ACOT11: variants seen among roughly 807,000 people sequenced by gnomAD.
ACOT11 encodes acyl-CoA thioesterase 11.
A neutral mutation model predicts 77.5 loss-of-function variants in ACOT11; 69 were observed. The ratio of observed to expected loss-of-function variants is 0.89; its 90% CI spans 0.73 to 1.09. The LOEUF (loss-of-function observed/expected upper bound fraction) is 1.09. Ranked by LOEUF, ACOT11 falls within the 50% of genes least tolerant of loss-of-function variation. The pLI is 0.00. For synonymous variants in ACOT11, 279 were observed against 313.0 expected (o/e 0.89, Z 1.15); for missense variants, 766 against 813.7 (o/e 0.94, Z 0.71).
At position 54,558,078 on chromosome 1, in the gene ACOT11, C is replaced by T. The variant is rs76858550; in HGVS notation, c.33+9736C>T. On this transcript the variant is annotated intron_variant, in intron 1 of 15. Transcript: ENST00000343744. ...TCTTGTCTGTCCCTAGAGTTAATGA[C>T]GTCTCCTCAGGATGTTGTATATACT... 9.1e-4 allele frequency among the ~76,000 whole-genome samples: 138 copies of T among 152,282 alleles called. 1 individual carries two copies. The highest frequency in any genetic ancestry group is 3.1e-3 in the African/African-American group (129 of 41,544).
chr1:54,614,999 A>G (rs1644157940), downstream of ACOT11: 1 of 798,402 alleles, frequency 1.3e-6, no homozygotes. Flanking sequence ...AAGGACCAGC[A>G]CCACATCCCT....
chr1:54,620,045 C>T (rs749175611), intron 15 of ACOT11: 36 of 1,603,692 alleles, frequency 2.2e-5, no homozygotes, highest in East Asian at 1.3e-4. Context: ...CGTCTGTCCT[C>T]GCCCCAGCCC....
At chr1:54,564,972 A>G (rs1044672503) in intron 1 of ACOT11, among the ~76,000 whole-genome samples, 1 of 152,186 alleles carries the variant, frequency 6.6e-6, no homozygotes, top group Non-Finnish European at 1.5e-5. Context: ...GGGCCCAAGC[A>G]TAAAGTGACT....
chr1:54,580,595 A>C (rs887008710), intron 1 of ACOT11, among the ~76,000 whole-genome samples: 4 of 152,122 alleles, frequency 2.6e-5, no homozygotes, highest in Non-Finnish European at 4.4e-5. Context: ...TCTGTACCTC[A>C]GACCTTCCTC....
At chr1:54,595,903 G>T (rs1042012808) in intron 6 of ACOT11, among the ~76,000 whole-genome samples, 2 of 152,210 alleles carry the variant, frequency 1.3e-5, no homozygotes, top group Admixed American at 1.3e-4. Flanking sequence ...AGAGCAGGCA[G>T]AACTCGCCAA....
downstream of ACOT11, among the ~76,000 whole-genome samples, chr1:54,613,833 T>C (rs1644143266): frequency 6.6e-6 from 1 of 152,118 alleles, no homozygotes. Context: ...AATAATAAAT[T>C]GGATGGATGG....
At chr1:54,602,867 T>C (rs998169125) in intron 10 of ACOT11, 143 bp downstream of exon 10, 2 of 925,328 alleles carry the variant, frequency 2.2e-6, no homozygotes, top group East Asian at 3.1e-5. Context: ...TTTGGTCTTA[T>C]TACACAGCGG....
In ACOT11 at chr1:54,593,850, C is replaced by T; in HGVS notation, c.373-91C>T. 3 of 1,095,122 alleles carry T rather than the reference C, an allele frequency of 2.7e-6. No individual in the cohort carries two copies. In the East Asian group the frequency reaches 7.3e-5, roughly 26 times the overall value. The allele number at this position is 1,095,122 out of a possible 1,614,324, so 67.8% of individuals were successfully genotyped here. On this transcript the variant is annotated intron_variant, in intron 4 of 15. Transcript: ENST00000343744. ...AGAAACTCTGGAGGCCTGGCCTGGG[C>T]TGGGACTTGCTGTCTGGTGGAGCTG...
chr1:54,597,187 C>A, intron 6 of ACOT11, 72 bp from the exon 7 acceptor site: 1 of 1,583,942 alleles, frequency 6.3e-7, no homozygotes, highest in Non-Finnish European at 8.6e-7. Flanking sequence ...CCCAGGGCTG[C>A]CTGTGGGGAG....
chr1:54,554,748 G>A (rs375343558), intron 1 of ACOT11, among the ~76,000 whole-genome samples: 182 of 152,144 alleles, frequency 1.2e-3, no homozygotes, highest in African/African-American at 4.2e-3. Context: ...CGGGAGTAGA[G>A]GTATCTCTTC....
chr1:54,548,334 C>T lies in ACOT11; in HGVS notation c.25C>T (p.Leu9=), dbSNP rs61733132. The change falls in exon 1 of 16, where the codon CTG becomes TTG. Residue 9 remains leucine (L), a synonymous_variant. Coordinates refer to ENST00000343744, the MANE Select transcript of ACOT11 (RefSeq NM_147161.4). MIQNVGNH[L]RRGLASVFSN... is the part of the protein sequence containing the mutation. ...GATGATCCAGAATGTCGGAAATCACCTGCGACGGGTATGGAGGGTGGGCTG... is the reference window on the plus strand; with the variant it reads ...GATGATCCAGAATGTCGGAAATCACTTGCGACGGGTATGGAGGGTGGGCTG... The T allele has an allele frequency of 2.6e-3, 4,242 of 1,602,414 alleles. 78 individuals carry two copies. The African/African-American group carries it at 0.045, about 17-fold the overall frequency.
chr1:54,552,819 GT>G (rs1653115852), intron 1 of ACOT11, among the ~76,000 whole-genome samples: 1 of 117,856 alleles, frequency 8.5e-6, no homozygotes. Flanking sequence ...GTTGTTGTTT[GT>G]TTTTGTTTTG....
intron 6 of ACOT11, 152 bp downstream of exon 6, chr1:54,594,843 A>T (rs189458225): frequency 9.0e-7 from 1 of 1,117,082 alleles, no homozygotes; most frequent in East Asian, 2.7e-5. Flanking sequence ...CTTGGCTCCG[A>T]GGTCTCCTCC....
At chr1:54,633,084 G>GCGGAAAAACAAAGTTCC (rs1553167082) in intron 16 of ACOT11, among the ~76,000 whole-genome samples, 1 of 152,198 alleles carries the variant, frequency 6.6e-6, no homozygotes, top group Non-Finnish European at 1.5e-5. Context: ...ACCACTTCAA[G>GCGGAAAAACAAAGTTCC]CGGAAAAACA....
chr1:54,601,537 C>T, intron 9 of ACOT11, 124 bp downstream of exon 9: 1 of 1,402,522 alleles, frequency 7.1e-7, no homozygotes, highest in Non-Finnish European at 9.5e-7. Flanking sequence ...TACCCCCGTG[C>T]TGGGGCACAG....
chr1:54,577,920 A>AGTGT (rs1654171422), intron 1 of ACOT11, among the ~76,000 whole-genome samples: 1 of 152,142 alleles, frequency 6.6e-6, no homozygotes, highest in Non-Finnish European at 1.5e-5. Context: ...TTCAGTACCA[A>AGTGT]AAAGCCCTGT....
downstream of ACOT11, chr1:54,611,699 C>T (rs761310995): frequency 1.2e-6 from 2 of 1,614,150 alleles, no homozygotes; most frequent in Non-Finnish European, 8.5e-7. Context: ...AGCAGATCTT[C>T]CACCGACATG....
chr1:54,573,566 C>T (rs1046390087), intron 1 of ACOT11, among the ~76,000 whole-genome samples: 1 of 152,140 alleles, frequency 6.6e-6, no homozygotes, highest in South Asian at 2.1e-4. Flanking sequence ...AACCCCATCT[C>T]TACTAAAAAT....
At chr1:54,618,612 GAA>G (rs1180366122) in intron 15 of ACOT11, among the ~76,000 whole-genome samples, 1 of 152,170 alleles carries the variant, frequency 6.6e-6, no homozygotes, top group Non-Finnish European at 1.5e-5. Flanking sequence ...TGAAGGAGGA[GAA>G]AGAGATGAGA....
Sources: gnomAD v4.1 joint callset for allele counts (sites outside exome capture counted in the v4.1 genomes callset) on GRCh38, gnomAD v4.1.1 for gene constraint, MANE v1.5 for transcripts, NCBI Gene and HGNC (gene_info 2026-07-23, HGNC 2026-07-21) for gene names.